The following CXorf58 variants were observed in gnomAD, a reference collection of about 807,000 sequenced individuals.
The protein encoded by CXorf58 is chromosome X open reading frame 58, also known as uncharacterized protein CXorf58.
Under a neutral mutation model 26.0 loss-of-function variants are expected in CXorf58, and 24 were observed. That is an observed-to-expected ratio of 0.92 (90% confidence interval 0.67 to 1.30). The LOEUF (loss-of-function observed/expected upper bound fraction) is 1.30, where lower values mean the gene tolerates loss of function less well. Ranked by LOEUF, CXorf58 falls within the 50% of genes most tolerant of loss-of-function variation. CXorf58 has a pLI of 0.00. For missense variants in CXorf58, 236 were observed against 263.9 expected (o/e 0.89, Z 0.73); for synonymous variants, 87 against 86.1 (o/e 1.01, Z -0.06).
chrX:23,915,582 C>A, intron 3 of CXorf58, 118 bp from the exon 4 acceptor site: 1 of 427,094 alleles, frequency 2.3e-6, no homozygotes, highest in Admixed American at 4.5e-5. Flanking sequence ...AAAACCCACC[C>A]CTTCAGAACT....
chrX:23,927,076 C>G (rs1166751974), intron 5 of CXorf58, among the ~76,000 whole-genome samples, 163 bp from the exon 6 acceptor site: 1 of 111,900 alleles, frequency 8.9e-6, no homozygotes, highest in Non-Finnish European at 1.9e-5. Context: ...GTTTAATAAT[C>G]CCTATATAAT....
intron 5 of CXorf58, 39 bp downstream of exon 5, chrX:23,916,367 T>A (rs777108303): frequency 1.2e-6 from 1 of 838,217 alleles, no homozygotes; most frequent in African/African-American, 2.0e-5. Flanking sequence ...TAACTTAGCT[T>A]TTTAACATCT....
intron 5 of CXorf58, among the ~76,000 whole-genome samples, chrX:23,919,994 T>TC (rs753798094): frequency 8.9e-6 from 1 of 112,681 alleles, no homozygotes; most frequent in East Asian, 2.8e-4. Context: ...TCCCTACTTT[T>TC]CCCCCAATAA....
chrX:23,920,995 GTA>G (rs1927852828), intron 5 of CXorf58, among the ~76,000 whole-genome samples: 1 of 111,116 alleles, frequency 9.0e-6, no homozygotes, highest in Admixed American at 9.7e-5. Context: ...AAATGTGGAA[GTA>G]TATGTTTATC....
At position 23,914,333 on chromosome X, in the gene CXorf58, G is replaced by A. The variant is rs750392915; in HGVS notation, c.217-1367G>A. ...ACTCTTGACCTCAGGTGATCCTCCC[G>A]CTTTGGCCTCCCAAAGTGCCAGGAT... On this transcript the variant is annotated intron_variant, in intron 3 of 8. Coordinates refer to ENST00000379211, the MANE Select transcript of CXorf58 (RefSeq NM_152761.3). Among the ~76,000 whole-genome samples the A allele has an allele frequency of 1.3e-4, 15 of 111,122 alleles. 1 individual carries two copies. Among genetic ancestry groups the A allele is most frequent in the Non-Finnish European group, 1.9e-4 (10 of 52,929 alleles).
chrX:23,922,192 T>G (rs1927888515), intron 5 of CXorf58, among the ~76,000 whole-genome samples: 1 of 109,311 alleles, frequency 9.1e-6, no homozygotes, highest in South Asian at 4.0e-4. Flanking sequence ...CTGGCCAACA[T>G]GGTGAAACCC....
At chrX:23,923,095 C>T (rs1424918112) in intron 5 of CXorf58, among the ~76,000 whole-genome samples, 1 of 112,405 alleles carries the variant, frequency 8.9e-6, no homozygotes, top group African/African-American at 3.2e-5. Flanking sequence ...GCTCTTCTTT[C>T]CCATTGCTTC....
intron 3 of CXorf58, among the ~76,000 whole-genome samples, chrX:23,914,086 T>A (rs1397797908): frequency 1.8e-5 from 2 of 110,776 alleles, no homozygotes; most frequent in Non-Finnish European, 3.8e-5. Flanking sequence ...TTTTAAAAGC[T>A]ATTTATTTAT....
At chrX:23,934,753 AC>A (rs1401168758) in intron 6 of CXorf58, among the ~76,000 whole-genome samples, 3 of 108,819 alleles carry the variant, frequency 2.8e-5, no homozygotes, top group African/African-American at 1.0e-4. Context: ...CGAACTCCCG[AC>A]CTCAAGTGAC....
At position 23,918,001 on chromosome X, in the gene CXorf58, C is replaced by T. The variant is rs762297809; in HGVS notation, c.423+1673C>T. Among the ~76,000 whole-genome samples, 6 of 111,128 alleles carry T rather than the reference C, an allele frequency of 5.4e-5. No homozygotes were observed. In the East Asian group the frequency reaches 8.5e-4, roughly 16 times the overall value. On this transcript the variant is annotated intron_variant, in intron 5 of 8. Transcript: ENST00000379211. ...GACTACAGGCTCCCGCCACCACGCCCGGCTAATTTTTTTTGTATTTTTAGT... is the reference window on the plus strand; with the variant it reads ...GACTACAGGCTCCCGCCACCACGCCTGGCTAATTTTTTTTGTATTTTTAGT...
chrX:23,930,998 G>C (rs1215727226), intron 6 of CXorf58, among the ~76,000 whole-genome samples: 4 of 111,353 alleles, frequency 3.6e-5, no homozygotes. Context: ...TATGCACTGG[G>C]AAACCAAAAA....
intron 7 of CXorf58, among the ~76,000 whole-genome samples, chrX:23,935,834 G>A (rs1488530276): frequency 4.6e-5 from 5 of 109,386 alleles, no homozygotes; most frequent in Non-Finnish European, 7.6e-5. Context: ...GTGCAATGGC[G>A]CAATCTAGGC....
chrX:23,929,262 C>T (rs906922896), intron 6 of CXorf58, among the ~76,000 whole-genome samples: 1 of 108,790 alleles, frequency 9.2e-6, no homozygotes, highest in African/African-American at 3.3e-5. Context: ...AAAAATTAGC[C>T]GGGCATGGTG....
rs373465835 is a variant in CXorf58, at chrX:23,938,492, G to A, written c.786-55G>A. On this transcript the variant is annotated intron_variant, in intron 7 of 8. Transcript: ENST00000379211. ...TTTAATGAAATTTGGAACTTGCTTT[G>A]CATTTATATTTTATTCTGTGTGATT... 142 of 966,282 alleles carry A rather than the reference G, an allele frequency of 1.5e-4. No homozygotes were observed. In the African/African-American group the frequency reaches 2.5e-3, roughly 17 times the overall value. 79.6% of individuals were successfully genotyped at this position (966,282 alleles called of 1,213,427 possible).
chrX:23,929,099 G>A (rs1340380724), intron 6 of CXorf58, among the ~76,000 whole-genome samples: 1 of 111,466 alleles, frequency 9.0e-6, no homozygotes, highest in Non-Finnish European at 1.9e-5. Flanking sequence ...TGCTGATATG[G>A]AGAAAGTGTT....
intron 3 of CXorf58, 81 bp downstream of exon 3, chrX:23,911,937 A>G: frequency 2.9e-6 from 2 of 685,296 alleles, no homozygotes; most frequent in Non-Finnish European, 2.2e-6. Flanking sequence ...CGAATAGATA[A>G]CCTTCTTTAT....
intron 6 of CXorf58, among the ~76,000 whole-genome samples, chrX:23,931,990 A>G (rs755896081): frequency 9.8e-5 from 11 of 112,541 alleles, no homozygotes; most frequent in Non-Finnish European, 1.7e-4. Flanking sequence ...CCAACTGTGA[A>G]TATACTGGAA....
intron 7 of CXorf58, among the ~76,000 whole-genome samples, chrX:23,937,362 A>C (rs976115256): frequency 8.1e-5 from 9 of 110,452 alleles, no homozygotes; most frequent in African/African-American, 3.0e-4. Flanking sequence ...GGGACATATT[A>C]ATTCTCGGGC....
At chrX:23,916,018 G>A (rs1053242513) in intron 4 of CXorf58, among the ~76,000 whole-genome samples, 199 bp from the exon 5 acceptor site, 1 of 111,608 alleles carries the variant, frequency 9.0e-6, no homozygotes, top group East Asian at 2.8e-4. Context: ...TCTTACACAG[G>A]TATGAGAATA....
Sources: gnomAD v4.1 joint callset for allele counts (sites outside exome capture counted in the v4.1 genomes callset) on GRCh38, gnomAD v4.1.1 for gene constraint, MANE v1.5 for transcripts, NCBI Gene and HGNC (gene_info 2026-07-23, HGNC 2026-07-21) for gene names.